PTPRD: variants seen among roughly 807,000 people sequenced by gnomAD.
The protein encoded by PTPRD is receptor-type tyrosine-protein phosphatase delta.
Under a neutral mutation model 214.5 loss-of-function variants are expected in PTPRD, and 34 were observed. That is an observed-to-expected ratio of 0.16 (90% confidence interval 0.12 to 0.21). PTPRD has a LOEUF of 0.21. Ranked by LOEUF, PTPRD falls within the 10% of genes least tolerant of loss-of-function variation. PTPRD has a pLI of 1.00. For synonymous variants in PTPRD, 1,128 were observed against 845.7 expected, an observed-to-expected ratio of 1.33 and a Z score of -5.79; for missense variants, 2,545 against 2,398.7, an observed-to-expected ratio of 1.06 and a Z score of -1.27.
chr9:9,497,985 A>G (rs1008122669), intron 8 of PTPRD, among the ~76,000 whole-genome samples: 4 of 152,150 alleles, frequency 2.6e-5, no homozygotes, highest in African/African-American at 9.6e-5. Context: ...TTGAATTTCT[A>G]TAAGATGAGT....
chr9:9,346,285 C>G (rs1569567558), intron 9 of PTPRD, among the ~76,000 whole-genome samples: 1 of 152,160 alleles, frequency 6.6e-6, no homozygotes, highest in South Asian at 2.1e-4. Flanking sequence ...ACAGCAAACA[C>G]AAGTTTACAA....
chr9:9,997,501 C>A (rs2096166487), intron 4 of PTPRD, among the ~76,000 whole-genome samples: 3 of 152,194 alleles, frequency 2.0e-5, no homozygotes, highest in African/African-American at 7.2e-5. Flanking sequence ...GTTGGTCAGG[C>A]TGGTCTTGAA....
At chr9:8,329,177 T>TTG (rs1263266743) in intron 44 of PTPRD, among the ~76,000 whole-genome samples, 1 of 152,104 alleles carries the variant, frequency 6.6e-6, no homozygotes, top group African/African-American at 2.4e-5. Flanking sequence ...TTATCTACCT[T>TTG]TGACCTTTGA....
intron 2 of PTPRD, among the ~76,000 whole-genome samples, chr9:10,453,589 AT>A (rs752685160): frequency 4.0e-5 from 6 of 151,448 alleles, no homozygotes; most frequent in African/African-American, 9.7e-5. Flanking sequence ...TTTTAAAATT[AT>A]TTTTCAGGCA....
At chr9:9,792,164 A>T (rs1414771482) in intron 5 of PTPRD, among the ~76,000 whole-genome samples, 1 of 151,836 alleles carries the variant, frequency 6.6e-6, no homozygotes, top group Non-Finnish European at 1.5e-5. Context: ...ACAGCTTTTC[A>T]GTGTGGCAGC....
At chr9:9,836,771 C>T (rs2056881251) in intron 5 of PTPRD, among the ~76,000 whole-genome samples, 1 of 152,062 alleles carries the variant, frequency 6.6e-6, no homozygotes, top group African/African-American at 2.4e-5. Context: ...GAAAACTTAC[C>T]TATGTCTCAG....
At chr9:10,202,706 G>A (rs971844557) in intron 3 of PTPRD, among the ~76,000 whole-genome samples, 7 of 90,688 alleles carry the variant, frequency 7.7e-5, no homozygotes, top group Non-Finnish European at 1.1e-4. Flanking sequence ...ATATGCACCA[G>A]TGAATAGTTA....
At chr9:9,491,861 A>G (rs11534217) in intron 8 of PTPRD, among the ~76,000 whole-genome samples, 31,833 of 151,918 alleles carry the variant, frequency 0.21, 3,815 homozygotes, top group Admixed American at 0.36. Flanking sequence ...AACAAGCTAC[A>G]CCCAAAGCTA....
intron 12 of PTPRD, among the ~76,000 whole-genome samples, chr9:8,724,931 C>T (rs1046328128): frequency 6.6e-6 from 1 of 152,080 alleles, no homozygotes; most frequent in African/African-American, 2.4e-5. Flanking sequence ...GAGTGAGACC[C>T]TGTGTCCAAA....
chr9:9,171,766 A>G (rs951544358), intron 10 of PTPRD, among the ~76,000 whole-genome samples: 1 of 152,134 alleles, frequency 6.6e-6, no homozygotes, highest in Non-Finnish European at 1.5e-5. Flanking sequence ...TAGCAGAAGC[A>G]ATTATGTAAC....
chr9:9,396,802 G>C (rs889868062), intron 9 of PTPRD, among the ~76,000 whole-genome samples: 9 of 152,116 alleles, frequency 5.9e-5, no homozygotes, highest in African/African-American at 2.2e-4. Context: ...TTTATGTAGA[G>C]TCTTCTTTCT....
rs1000560681 is a variant in PTPRD at position 10,345,423 on chromosome 9, C to A, written c.-599-4406G>T. ...TAATCCTATCCCTCCCCTAGCCCCC[C>A]ACCCCCCACATGCCCCAGTGTGTGA... On this transcript the variant is annotated intron_variant, in intron 2 of 45. Coordinates refer to ENST00000381196, the MANE Select transcript of PTPRD (RefSeq NM_002839.4). Among the ~76,000 whole-genome samples the A allele has an allele frequency of 4.0e-5, 6 of 151,430 alleles. No homozygotes were observed. The East Asian group carries it at 7.8e-4, about 20-fold the overall frequency.
intron 11 of PTPRD, among the ~76,000 whole-genome samples, chr9:8,912,031 G>A (rs1335260620): frequency 6.6e-6 from 1 of 152,168 alleles, no homozygotes; most frequent in African/African-American, 2.4e-5. Flanking sequence ...TGTGGAGAGA[G>A]TGGAATACTC....
chr9:9,622,286 T>A (rs1209449419), intron 7 of PTPRD, among the ~76,000 whole-genome samples: 1 of 152,164 alleles, frequency 6.6e-6, no homozygotes, highest in Non-Finnish European at 1.5e-5. Flanking sequence ...CTTTTCCTAT[T>A]TTCTCACAGG....
In PTPRD at chr9:9,309,489, T is replaced by C. The variant is rs76069256; in HGVS notation, c.-203+87960A>G. Among the ~76,000 whole-genome samples the C allele has an allele frequency of 4.7e-3, 716 of 152,306 alleles. 8 individuals carry two copies. Among genetic ancestry groups the C allele is most frequent in the African/African-American group, 0.016 (662 of 41,568 alleles). ...TGTGCCTGCATTAAAATACATATTC[T>C]AATGTTTATAATTTTGGTGTCCTCA... On this transcript the variant is annotated intron_variant, in intron 9 of 45. Coordinates refer to ENST00000381196, the MANE Select transcript of PTPRD (RefSeq NM_002839.4).
At chr9:9,775,397 T>A (rs1185851019) in intron 5 of PTPRD, among the ~76,000 whole-genome samples, 1 of 152,200 alleles carries the variant, frequency 6.6e-6, no homozygotes, top group Non-Finnish European at 1.5e-5. Context: ...AATCTCTCCA[T>A]CTTTGGGCAA....
Position 10,612,868 on chromosome 9 carries a change from C to G in PTPRD, c.-888G>C, listed in dbSNP as rs1318598080. On this transcript the variant is annotated 5_prime_UTR_variant, in exon 1 of 46. Transcript: ENST00000381196. ...CCGAGACGGCAAGGAGGAGGCGAGG[C>G]TCTGTCGGGGCGAGGCGCTGCCCCC... The G allele has an allele frequency of 6.6e-6, 1 of 152,024 alleles. No homozygotes were observed. Among genetic ancestry groups the G allele is most frequent in the Non-Finnish European group, 1.5e-5 (1 of 68,040 alleles). 9.4% of individuals were successfully genotyped at this position (152,024 alleles called of 1,614,324 possible).
At chr9:10,388,937 A>G (rs1196494975) in intron 2 of PTPRD, among the ~76,000 whole-genome samples, 1 of 151,916 alleles carries the variant, frequency 6.6e-6, no homozygotes, top group Non-Finnish European at 1.5e-5. Context: ...TTAAACATCA[A>G]ATGAAATTGT....
intron 9 of PTPRD, among the ~76,000 whole-genome samples, chr9:9,344,956 C>G (rs959182672): frequency 6.6e-6 from 1 of 151,836 alleles, no homozygotes; most frequent in Non-Finnish European, 1.5e-5. Context: ...TACTTTGTTA[C>G]TAATTATAGA....
Sources: allele counts gnomAD v4.1 joint callset (sites outside exome capture counted in the v4.1 genomes callset), GRCh38; gene constraint gnomAD v4.1.1; transcripts MANE v1.5; gene names NCBI Gene and HGNC (gene_info 2026-07-23, HGNC 2026-07-21).